ZFAT: variants seen among roughly 807,000 people sequenced by gnomAD.
ZFAT encodes the protein zinc finger protein ZFAT.
ZFAT carries 64 observed loss-of-function variants against 117.7 expected under a neutral mutation model. That is an observed-to-expected ratio of 0.54 (90% CI 0.44 to 0.67). ZFAT has a LOEUF of 0.67. ZFAT is among the 30% of genes least tolerant of loss of function. The probability of loss-of-function intolerance (pLI) is 0.00; values close to 1 mark genes in which losing one functional copy is unlikely to be tolerated. For missense variants in ZFAT, 1,433 were observed against 1,584.5 expected, an observed-to-expected ratio of 0.90 and a Z score of 1.62; for synonymous variants, 679 against 615.0, an observed-to-expected ratio of 1.10 and a Z score of -1.54.
intron 12 of ZFAT, among the ~76,000 whole-genome samples, chr8:134,524,589 G>A (rs923871055): frequency 3.3e-5 from 5 of 152,118 alleles, no homozygotes; most frequent in African/African-American, 1.2e-4. Context: ...CAACTGGGGG[G>A]TGCCCAGGGC....
At chr8:134,591,613 C>A (rs1826506987) in intron 7 of ZFAT, among the ~76,000 whole-genome samples, 1 of 152,182 alleles carries the variant, frequency 6.6e-6, no homozygotes, top group South Asian at 2.1e-4. Flanking sequence ...AGGGTCTTTA[C>A]AGAGGTAATC....
At chr8:134,571,495 G>GTCAACTGCAACCAATATGAGTTTCTA (rs1824898398) in intron 10 of ZFAT, among the ~76,000 whole-genome samples, 15 of 152,342 alleles carry the variant, frequency 9.8e-5, no homozygotes, top group Non-Finnish European at 1.9e-4. Flanking sequence ...ATGAGTTTCT[G>GTCAACTGCAACCAATATGAGTTTCTA]TCAGCTGCAA....
chr8:134,545,387 C>T (rs780729603), intron 11 of ZFAT, among the ~76,000 whole-genome samples: 6 of 151,926 alleles, frequency 3.9e-5, no homozygotes, highest in Non-Finnish European at 7.4e-5. Context: ...TGATGGCACA[C>T]GTCCTCCTGG....
chr8:134,547,552 A>G (rs555867071), intron 11 of ZFAT, among the ~76,000 whole-genome samples: 1 of 152,328 alleles, frequency 6.6e-6, no homozygotes, highest in South Asian at 2.1e-4. Flanking sequence ...CAGAGTTAAC[A>G]CCACTGCAGT....
At chr8:134,824,425 C>G in the ZFAT span, among the ~76,000 whole-genome samples, 1 of 152,150 alleles carries the variant, frequency 6.6e-6, no homozygotes, top group African/African-American at 2.4e-5. Flanking sequence ...TAGAGGCTAT[C>G]GTATTTTTAA....
intron 10 of ZFAT, among the ~76,000 whole-genome samples, chr8:134,573,316 A>G (rs1825070714): frequency 6.6e-6 from 1 of 152,166 alleles, no homozygotes; most frequent in African/African-American, 2.4e-5. Flanking sequence ...AATAAAAATA[A>G]CACAACAAAA....
In ZFAT at chr8:134,639,858, G is replaced by C. The variant is rs138836563; in HGVS notation, c.197-2146C>G. ...CGGCCCAGGTCTAAACCCAGTGACA[G>C]ACTCTGCCATCCCGCAGACACAAGC... is the stretch of plus-strand genomic sequence containing the variant. On this transcript the variant is annotated intron_variant, in intron 2 of 15. Coordinates refer to ENST00000377838, the MANE Select transcript of ZFAT (RefSeq NM_020863.4). 5.1e-3 allele frequency: 2,282 copies of C among 445,298 alleles called. 15 individuals carry two copies. The highest frequency in any genetic ancestry group is 7.3e-3 in the South Asian group (456 of 62,330). 27.6% of individuals were successfully genotyped at this position (445,298 alleles called of 1,614,324 possible). A position where few individuals can be genotyped will look rare whatever the true frequency, so the allele number is the denominator to read the frequency against.
the ZFAT span, chr8:134,792,333 T>C: frequency 6.6e-6 from 1 of 152,200 alleles, no homozygotes; most frequent in Non-Finnish European, 1.5e-5. Context: ...GTATCAATGA[T>C]TTAACTGTGG....
intron 2 of ZFAT, chr8:134,639,941 AAAGAG>A (rs1376514356): frequency 5.5e-6 from 2 of 361,662 alleles, no homozygotes; most frequent in Non-Finnish European, 1.1e-5. Flanking sequence ...AACTTTACCC[AAAGAG>A]AAGTCTGGCC....
the ZFAT span, among the ~76,000 whole-genome samples, chr8:134,727,535 C>T: frequency 3.3e-5 from 5 of 152,132 alleles, no homozygotes; most frequent in Non-Finnish European, 5.9e-5. Flanking sequence ...AAGTATAAAA[C>T]CAAATTTTAA....
In ZFAT at chr8:134,533,682, C is replaced by T. The variant is rs143573726; in HGVS notation, c.2977-710G>A. On this transcript the variant is annotated intron_variant, in intron 11 of 15. Transcript: ENST00000377838. ...AGCAGGTAAAATCTATTTCTCATGC[C>T]CACCTGGTCAAGACAAGACACTTTC... Among the ~76,000 whole-genome samples the T allele has an allele frequency of 3.1e-3, 465 of 152,288 alleles. 3 individuals are homozygous for T. Among genetic ancestry groups the T allele is most frequent in the South Asian group, 6.2e-3 (30 of 4,814 alleles).
chr8:134,812,789 C>G, the ZFAT span, among the ~76,000 whole-genome samples: 2 of 152,180 alleles, frequency 1.3e-5, no homozygotes, highest in Admixed American at 6.6e-5. Context: ...ACAGTAAATA[C>G]ATGGTGCTTA....
the ZFAT span, among the ~76,000 whole-genome samples, chr8:134,774,949 T>A: frequency 6.6e-6 from 1 of 152,106 alleles, no homozygotes; most frequent in East Asian, 1.9e-4. Context: ...AAACCCCATC[T>A]CTACTAAAAA....
At chr8:134,495,298 T>A (rs1818350298) in intron 15 of ZFAT, among the ~76,000 whole-genome samples, 2 of 152,274 alleles carry the variant, frequency 1.3e-5, no homozygotes, top group South Asian at 2.1e-4. Context: ...GTAATTGTGT[T>A]CTGACATGGT....
At chr8:134,800,903 C>T in the ZFAT span, among the ~76,000 whole-genome samples, 1 of 152,032 alleles carries the variant, frequency 6.6e-6, no homozygotes, top group Non-Finnish European at 1.5e-5. Context: ...ATTGCCCAGG[C>T]TAGTCACAAA....
chr8:134,660,861 C>T (rs1335125261), intron 1 of ZFAT, among the ~76,000 whole-genome samples: 1 of 152,236 alleles, frequency 6.6e-6, no homozygotes, highest in Non-Finnish European at 1.5e-5. Context: ...TGGAAATAAA[C>T]TACTGCTCAG....
At chr8:134,781,604 T>C in the ZFAT span, among the ~76,000 whole-genome samples, 1 of 152,166 alleles carries the variant, frequency 6.6e-6, no homozygotes, top group East Asian at 1.9e-4. Context: ...TTACAGTGCA[T>C]GCTTGAACAC....
chr8:134,752,094 C>T, the ZFAT span, among the ~76,000 whole-genome samples: 1 of 152,178 alleles, frequency 6.6e-6, no homozygotes, highest in African/African-American at 2.4e-5. Context: ...TCTCCGTTAA[C>T]TTTGTCCTCC....
At chr8:134,606,932 ACT>A (rs1827934062) in intron 5 of ZFAT, among the ~76,000 whole-genome samples, 1 of 152,058 alleles carries the variant, frequency 6.6e-6, no homozygotes, top group Non-Finnish European at 1.5e-5. Context: ...TTATATAATA[ACT>A]CTGTATCATT....
Sources: allele counts gnomAD v4.1 joint callset (sites outside exome capture counted in the v4.1 genomes callset), GRCh38; gene constraint gnomAD v4.1.1; transcripts MANE v1.5; gene names NCBI Gene and HGNC (gene_info 2026-07-23, HGNC 2026-07-21).